The following GSAP variants were observed in gnomAD, a reference collection of about 807,000 sequenced individuals.
GSAP encodes gamma-secretase activating protein, also known as gamma-secretase-activating protein.
A neutral mutation model predicts 131.7 loss-of-function variants in GSAP; 118 were observed. That is an observed-to-expected ratio of 0.90 (90% CI 0.77 to 1.04). GSAP has a LOEUF of 1.04. Among genes scored for constraint, GSAP ranks in the 50% least tolerant of loss-of-function variants. GSAP has a pLI of 0.00. For synonymous variants in GSAP, 381 were observed against 363.4 expected, an observed-to-expected ratio of 1.05 and a Z score of -0.55; for missense variants, 1,019 against 1,013.2, an observed-to-expected ratio of 1.01 and a Z score of -0.08.
At chr7:77,324,948 C>G (rs957650933) in intron 23 of GSAP, among the ~76,000 whole-genome samples, 1 of 151,266 alleles carries the variant, frequency 6.6e-6, no homozygotes, top group Non-Finnish European at 1.5e-5. Context: ...TCCCAGTAGC[C>G]GAGATTACAG....
At chr7:77,345,707 A>G (rs1382897678) in intron 19 of GSAP, among the ~76,000 whole-genome samples, 1 of 152,106 alleles carries the variant, frequency 6.6e-6, no homozygotes, top group Non-Finnish European at 1.5e-5. Flanking sequence ...CATAAGAGAA[A>G]ACCCCCTTTA....
In GSAP at chr7:77,377,237, T is replaced by TGTAAAAAAAAAAAAAA. The variant is rs759012113; in HGVS notation, c.681+48_681+49insTTTTTTTTTTTTTTAC. 155 of 894,408 alleles carry TGTAAAAAAAAAAAAAA rather than the reference T, an allele frequency of 1.7e-4. 1 individual carries two copies. The African/African-American group carries it at 3.7e-3, about 21-fold the overall frequency. 55.4% of individuals were successfully genotyped at this position (894,408 alleles called of 1,614,324 possible). A position where few individuals can be genotyped will look rare whatever the true frequency, so the allele number is the denominator to read the frequency against. The stretch of plus-strand genomic sequence containing the variant: ...GTCTCTAAAAAAATTAATATTTTTG[T>TGTAAAAAAAAAAAAAA]AAAAAAAAAAAAAAAAAAAAAGGAG... On this transcript the variant is annotated intron_variant, in intron 9 of 30. Transcript: ENST00000257626.
At chr7:77,402,339 G>A (rs1801446879) in intron 3 of GSAP, among the ~76,000 whole-genome samples, 1 of 142,586 alleles carries the variant, frequency 7.0e-6, no homozygotes, top group Non-Finnish European at 1.5e-5. Flanking sequence ...GAGGTCAAGA[G>A]ATTGAGACCA....
rs375595494 is a variant in GSAP at position 77,402,616 on chromosome 7, A to AAAAAAT, written c.243+1942_243+1943insATTTTT. Among the ~76,000 whole-genome samples, 610 of 80,472 alleles carry AAAAAAT rather than the reference A, an allele frequency of 7.6e-3. 90 individuals are homozygous for AAAAAAT. The highest frequency in any genetic ancestry group is 0.021 in the South Asian group (49 of 2,306). The allele number at this position is 80,472 out of a possible 152,430, so 52.8% of individuals were successfully genotyped here. A position where few individuals can be genotyped will look rare whatever the true frequency, so the allele number is the denominator to read the frequency against. ...CTCAAAAAAAAAAAAAAAAAAAAAA[A>AAAAAAT]GAATTTTAAAGCCCATCTAGATTTG... On this transcript the variant is annotated intron_variant, in intron 3 of 30. Coordinates refer to ENST00000257626, the MANE Select transcript of GSAP (RefSeq NM_017439.4).
intron 19 of GSAP, among the ~76,000 whole-genome samples, chr7:77,342,975 C>T (rs1449661750): frequency 6.6e-6 from 1 of 152,074 alleles, no homozygotes; most frequent in Non-Finnish European, 1.5e-5. Flanking sequence ...AAATCCTTTC[C>T]CCACTCTCCT....
chr7:77,374,765 C>G (rs148839494), intron 11 of GSAP, among the ~76,000 whole-genome samples: 2 of 152,080 alleles, frequency 1.3e-5, no homozygotes, highest in Non-Finnish European at 2.9e-5. Context: ...TCTGAACCAT[C>G]GAATCCCTCT....
intron 1 of GSAP, among the ~76,000 whole-genome samples, chr7:77,408,427 A>G (rs1802667599): frequency 6.6e-6 from 1 of 152,158 alleles, no homozygotes; most frequent in Non-Finnish European, 1.5e-5. Context: ...TGGCCGGCAC[A>G]GTGGCTCACG....
rs756565555 is a variant in GSAP, at chr7:77,387,379, T to G, written c.437A>C (p.Asp146Ala). The change falls in exon 6 of 31, where the codon GAT (aspartate) becomes GCT (alanine). Residue 146 changes from aspartate (D) to alanine (A), a missense_variant. Physicochemically the swap from Asp to Ala is moderately radical, Grantham distance 126. Transcript: ENST00000257626. ...VNNVKVLKAV[D>A]SYIWVQFLYP... Reference sequence around the variant, plus strand: ...ACTTACCTGAACCCAAATATAGCTATCCACAGCCTTTAGAACCTTCACATT... The same window carrying G: ...ACTTACCTGAACCCAAATATAGCTAGCCACAGCCTTTAGAACCTTCACATT... 2 of 1,580,706 alleles carry G rather than the reference T, an allele frequency of 1.3e-6. No individual in the cohort carries two copies. The highest frequency in any genetic ancestry group is 8.7e-7 in the Non-Finnish European group (1 of 1,149,444).
chr7:77,310,775 TGACA>T lies in GSAP; in HGVS notation c.*579_*582del, dbSNP rs1584168272. On this transcript the variant is annotated 3_prime_UTR_variant, in exon 31 of 31. Transcript: ENST00000257626. ...CTATGTTTTCAGGTTTTTTAATGAC[TGACA>T]AAATATTCCTAAATCAACCTTTTAT... 1 of 152,292 alleles carries T rather than the reference TGACA, an allele frequency of 6.6e-6. No homozygotes were observed. Among genetic ancestry groups the T allele is most frequent in the East Asian group, 1.9e-4 (1 of 5,192 alleles). The allele number at this position is 152,292 out of a possible 1,614,324, so 9.4% of individuals were successfully genotyped here.
chr7:77,350,866 T>C (rs1162743712), intron 18 of GSAP, among the ~76,000 whole-genome samples: 1 of 152,234 alleles, frequency 6.6e-6, no homozygotes, highest in Non-Finnish European at 1.5e-5. Context: ...AGAAATTTAA[T>C]AAAAGGATAA....
At chr7:77,338,800 A>G (rs78230614) in intron 19 of GSAP, among the ~76,000 whole-genome samples, 7 of 152,232 alleles carry the variant, frequency 4.6e-5, no homozygotes, top group Non-Finnish European at 1.0e-4. Context: ...GGATGTAAAC[A>G]TTCAGACCAT....
chr7:77,396,342 G>A (rs1283220989), intron 5 of GSAP, among the ~76,000 whole-genome samples: 2 of 152,056 alleles, frequency 1.3e-5, no homozygotes, highest in Non-Finnish European at 1.5e-5. Flanking sequence ...TCTGGCCAAT[G>A]TATGCATTTG....
intron 5 of GSAP, among the ~76,000 whole-genome samples, chr7:77,389,222 A>G (rs931123388): frequency 2.0e-5 from 3 of 151,414 alleles, no homozygotes; most frequent in Non-Finnish European, 4.4e-5. Flanking sequence ...ACCTAAAAGT[A>G]TGCGTGTGTG....
At chr7:77,354,973 G>A (rs35307190) in intron 16 of GSAP, among the ~76,000 whole-genome samples, 5,363 of 152,122 alleles carry the variant, frequency 0.035, 146 homozygotes, top group Non-Finnish European at 0.054. Flanking sequence ...TACTGACATA[G>A]CTAAACTTTT....
At chr7:77,413,415 T>G (rs1038777815) in intron 1 of GSAP, among the ~76,000 whole-genome samples, 1 of 152,228 alleles carries the variant, frequency 6.6e-6, no homozygotes, top group Non-Finnish European at 1.5e-5. Context: ...GAAGACTGCC[T>G]GCTGACTATA....
chr7:77,389,519 T>TGA (rs1369108937), intron 5 of GSAP, among the ~76,000 whole-genome samples: 1 of 142,842 alleles, frequency 7.0e-6, no homozygotes, highest in African/African-American at 2.6e-5. Flanking sequence ...CACCTATGAG[T>TGA]GAGAACACGC....
At chr7:77,395,008 C>CTA (rs1431742709) in intron 5 of GSAP, among the ~76,000 whole-genome samples, 3 of 152,216 alleles carry the variant, frequency 2.0e-5, no homozygotes, top group African/African-American at 7.2e-5. Context: ...GATCATCTCA[C>CTA]TATAAGTGCA....
Position 77,397,303 on chromosome 7 carries a change from T to C in GSAP, c.313+43A>G, listed in dbSNP as rs965134428. On this transcript the variant is annotated intron_variant, in intron 4 of 30. Coordinates refer to ENST00000257626, the MANE Select transcript of GSAP (RefSeq NM_017439.4). ...CTAATACTTTGAAACTCTTGAAAGA[T>C]GTAGTTCAGTTCTTGACATGTAGCA... 2.6e-6 allele frequency: 3 copies of C among 1,132,598 alleles called. No homozygotes were observed. In the African/African-American group the frequency reaches 4.7e-5, roughly 18 times the overall value. 70.2% of individuals were successfully genotyped at this position (1,132,598 alleles called of 1,614,324 possible).
At chr7:77,362,300 A>G (rs759803235) in intron 13 of GSAP, among the ~76,000 whole-genome samples, 10 of 152,292 alleles carry the variant, frequency 6.6e-5, no homozygotes, top group Middle Eastern at 3.4e-3. Context: ...CACCCTGGGC[A>G]ACATGGTGAA....
Sources: gnomAD v4.1 joint callset for allele counts (sites outside exome capture counted in the v4.1 genomes callset) on GRCh38, gnomAD v4.1.1 for gene constraint, MANE v1.5 for transcripts, NCBI Gene and HGNC (gene_info 2026-07-23, HGNC 2026-07-21) for gene names.